The following SP1 variants were observed in gnomAD, a reference collection of about 807,000 sequenced individuals.
SP1 encodes the protein Sp1 transcription factor.
Under a neutral mutation model 66.3 loss-of-function variants are expected in SP1, and 6 were observed. The observed-to-expected ratio is 0.09, with a 90% CI of 0.05 to 0.18. The LOEUF is 0.18. Ranked by LOEUF, SP1 falls within the 10% of genes least tolerant of loss-of-function variation. The pLI is 1.00. For missense variants in SP1, 848 were observed against 964.5 expected (o/e 0.88, Z 1.60); for synonymous variants, 417 against 360.8 (o/e 1.16, Z -1.77).
chr12:53,402,563 G>C (rs1238855909), intron 3 of SP1, among the ~76,000 whole-genome samples: 2 of 151,894 alleles, frequency 1.3e-5, no homozygotes, highest in Non-Finnish European at 2.9e-5. Flanking sequence ...AGGAGGCCGG[G>C]CAAGGTGGCT....
intron 4 of SP1, among the ~76,000 whole-genome samples, chr12:53,407,413 C>T (rs1046801978): frequency 4.0e-5 from 6 of 151,330 alleles, no homozygotes; most frequent in African/African-American, 1.5e-4. Flanking sequence ...CTGCAACCTC[C>T]ACCTCCTGGG....
At position 53,410,982 on chromosome 12, in the gene SP1, C is replaced by G. The variant is rs772119460; in HGVS notation, c.2100C>G (p.His700Gln). Residue 700 changes from histidine (H) to glutamine (Q), a missense_variant, in exon 6 of 6, where the codon CAC becomes CAG. By Grantham distance (24) the His-to-Gln change is conservative. Transcript: ENST00000327443. The stretch of plus-strand genomic sequence containing the variant: ...CTAAGCGCTTCATGAGGAGTGACCA[C>G]CTGTCAAAACATATCAAGACCCACC... Reference protein sequence around the residue: ...ECPKRFMRSDHLSKHIKTHQN... With the variant: ...ECPKRFMRSDQLSKHIKTHQN... 1 of 1,614,176 alleles carries G rather than the reference C, an allele frequency of 6.2e-7. No individual in the cohort carries two copies. Among genetic ancestry groups the G allele is most frequent in the East Asian group, 2.2e-5 (1 of 44,880 alleles).
Position 53,411,477 on chromosome 12 carries a change from A to T in SP1, c.*237A>T, listed in dbSNP as rs1226442066. ...AAAATTCTGTTGGTGCCACGCTTTG[A>T]TGAGCATTTGTTTGACCCCAGTTTC... On this transcript the variant is annotated 3_prime_UTR_variant, in exon 6 of 6. Coordinates refer to ENST00000327443, the MANE Select transcript of SP1 (RefSeq NM_138473.3). The T allele has an allele frequency of 4.5e-6, 2 of 448,214 alleles. No homozygotes were observed. The highest frequency in any genetic ancestry group is 7.9e-6 in the Non-Finnish European group (2 of 253,544). The allele number at this position is 448,214 out of a possible 1,614,324, so 27.8% of individuals were successfully genotyped here. A position where few individuals can be genotyped will look rare whatever the true frequency, so the allele number is the denominator to read the frequency against.
At chr12:53,407,894 C>T (rs1938780737) in intron 4 of SP1, among the ~76,000 whole-genome samples, 1 of 149,784 alleles carries the variant, frequency 6.7e-6, no homozygotes, top group Non-Finnish European at 1.5e-5. Context: ...CCTTGGCCTC[C>T]CAAAGTGCTG....
chr12:53,386,644 A>C (rs527314195), intron 3 of SP1, among the ~76,000 whole-genome samples: 1 of 151,894 alleles, frequency 6.6e-6, no homozygotes, highest in Admixed American at 6.6e-5. Context: ...GGCGTGTGCC[A>C]CCATGCCCGC....
intron 3 of SP1, among the ~76,000 whole-genome samples, chr12:53,392,035 T>C (rs555638561): frequency 2.3e-4 from 35 of 152,298 alleles, no homozygotes; most frequent in African/African-American, 7.9e-4. Context: ...TTTGTCCTTT[T>C]GTTCCAGTGT....
chr12:53,409,659 T>G (rs1938833968), intron 5 of SP1, 98 bp downstream of exon 5: 1 of 1,014,730 alleles, frequency 9.9e-7, no homozygotes, highest in African/African-American at 1.6e-5. Context: ...GCAACTTAAT[T>G]TGAAACTGAA....
Position 53,382,903 on chromosome 12 carries a change from C to A in SP1, c.956C>A (p.Ser319Tyr). ...GTATCATCACAAGCCAGTTCCAGCT[C>A]CTTTTTCACCAATGCCAATAGCTAC... Reference protein sequence around the residue: ...SLVSSQASSSSFFTNANSYST... With the variant: ...SLVSSQASSSYFFTNANSYST... Residue 319 changes from serine (S) to tyrosine (Y), a missense_variant, in exon 3 of 6, where the codon TCC becomes TAC. Transcript: ENST00000327443. 1 of 1,614,166 alleles carries A rather than the reference C, an allele frequency of 6.2e-7. No homozygotes were observed. Among genetic ancestry groups the A allele is most frequent in the African/African-American group, 1.3e-5 (1 of 75,050 alleles).
Position 53,409,533 on chromosome 12 carries a change from G to A in SP1, c.2016G>A (p.Glu672=). The A allele has an allele frequency of 6.2e-7, 1 of 1,614,148 alleles. No homozygotes were observed. The highest frequency in any genetic ancestry group is 8.5e-7 in the Non-Finnish European group (1 of 1,180,014). The change falls in exon 5 of 6, where the codon GAG becomes GAA. Residue 672 remains glutamate, a synonymous_variant. Transcript: ENST00000327443. ...YCGKRFTRSD[E]LQRHKRTHTG... Reference sequence around the variant, plus strand: ...GGAAACGCTTCACACGTTCGGATGAGCTACAGAGGCACAAACGTACACACA... The same window carrying A: ...GGAAACGCTTCACACGTTCGGATGAACTACAGAGGCACAAACGTACACACA...
chr12:53,391,825 C>T (rs1056213375), intron 3 of SP1, among the ~76,000 whole-genome samples: 8 of 151,554 alleles, frequency 5.3e-5, no homozygotes, highest in Admixed American at 2.7e-4. Context: ...TGTTTAGCTC[C>T]CACTTACAAG....
chr12:53,407,929 G>A (rs1565818012), intron 4 of SP1, among the ~76,000 whole-genome samples: 1 of 147,234 alleles, frequency 6.8e-6, no homozygotes, highest in Non-Finnish European at 1.5e-5. Flanking sequence ...AGCCATGGGG[G>A]CGCCCGGCCT....
At chr12:53,394,759 C>T (rs368137439) in intron 3 of SP1, among the ~76,000 whole-genome samples, 2 of 151,418 alleles carry the variant, frequency 1.3e-5, no homozygotes, top group Admixed American at 6.6e-5. Flanking sequence ...GGACTACAGG[C>T]GCCTGCCACC....
At chr12:53,410,844 G>A in intron 5 of SP1, 83 bp from the exon 6 acceptor site, 1 of 973,620 alleles carries the variant, frequency 1.0e-6, no homozygotes, top group Non-Finnish European at 1.6e-6. Flanking sequence ...GCCTTACTCA[G>A]CTTAGTAGAG....
At chr12:53,410,595 C>T (rs976944390) in intron 5 of SP1, among the ~76,000 whole-genome samples, 3 of 152,012 alleles carry the variant, frequency 2.0e-5, no homozygotes, top group Non-Finnish European at 4.4e-5. Flanking sequence ...AGCTCCGCCT[C>T]CCGGGTCCAC....
At position 53,382,257 on chromosome 12, in the gene SP1, G is replaced by A. The variant is rs1487233774; in HGVS notation, c.310G>A (p.Ala104Thr). Residue 104 changes from alanine to threonine, a missense_variant, in exon 3 of 6, where the codon GCC becomes ACC. Ala to Thr is a moderately conservative substitution (Grantham distance 58). Transcript: ENST00000327443. ...CACAGCCACACAACTTTCACAGGGTGCCAATGGCTGGCAGATCATCTCTTC... is the reference window on the plus strand; with the variant it reads ...CACAGCCACACAACTTTCACAGGGTACCAATGGCTGGCAGATCATCTCTTC... ...DLTATQLSQG[A>T]NGWQIISSSS... 8.7e-6 allele frequency: 14 copies of A among 1,614,028 alleles called. No homozygotes were observed. The highest frequency in any genetic ancestry group is 1.2e-5 in the Non-Finnish European group (14 of 1,180,040).
At position 53,406,268 on chromosome 12, in the gene SP1, C is replaced by T. The variant is rs181677893; in HGVS notation, c.1676-317C>T. 4.6e-5 allele frequency among the ~76,000 whole-genome samples: 7 copies of T among 151,922 alleles called. No individual in the cohort carries two copies. In the East Asian group the frequency reaches 5.8e-4, roughly 13 times the overall value. On this transcript the variant is annotated intron_variant, in intron 3 of 5. Transcript: ENST00000327443. ...ATTTTTAGTAGAGACGGGATTTCTC[C>T]GTATTGGTCAGACTGGTCTTGAACT... is the stretch of plus-strand genomic sequence containing the variant.
At chr12:53,403,132 GAAA>G (rs78685074) in intron 3 of SP1, among the ~76,000 whole-genome samples, 1 of 149,992 alleles carries the variant, frequency 6.7e-6, no homozygotes, top group African/African-American at 2.5e-5. Flanking sequence ...TCTCAAGAAA[GAAA>G]AAAAAAGAAT....
chr12:53,384,160 G>T (rs376479351), intron 3 of SP1, among the ~76,000 whole-genome samples: 2 of 151,772 alleles, frequency 1.3e-5, no homozygotes, highest in African/African-American at 4.8e-5. Flanking sequence ...TAGTAGAGAC[G>T]GGGTTTCACC....
rs74640701 is a variant in SP1, at chr12:53,387,558, G to C, written c.1675+3936G>C. Among the ~76,000 whole-genome samples the C allele has an allele frequency of 7.7e-3, 1,174 of 152,300 alleles. 6 individuals carry two copies. Among genetic ancestry groups the C allele is most frequent in the Middle Eastern group, 0.031 (9 of 294 alleles). ...GGGACTGAAGTTATTTAGTACAACT[G>C]CCTTATTTTCTAGATGAGGAAATTG... On this transcript the variant is annotated intron_variant, in intron 3 of 5. Transcript: ENST00000327443.
Sources: gnomAD v4.1 joint callset for allele counts (sites outside exome capture counted in the v4.1 genomes callset) on GRCh38, gnomAD v4.1.1 for gene constraint, MANE v1.5 for transcripts, NCBI Gene and HGNC (gene_info 2026-07-23, HGNC 2026-07-21) for gene names.